The following CNNM1 variants were observed in gnomAD, a reference collection of about 807,000 sequenced individuals.
CNNM1 encodes the protein cyclin and CBS domain divalent metal cation transport mediator 1.
In CNNM1, 44 loss-of-function variants were observed where a neutral mutation model predicts 78.8. The observed-to-expected ratio is 0.56, with a 90% CI of 0.44 to 0.72. The LOEUF (loss-of-function observed/expected upper bound fraction) is 0.72. CNNM1 is among the 30% of genes least tolerant of loss of function. The pLI, the probability that CNNM1 is intolerant of heterozygous loss-of-function variation, is 0.00. For missense variants in CNNM1, 1,101 were observed against 1,292.2 expected (o/e 0.85, Z 2.27); for synonymous variants, 584 against 581.5 (o/e 1.00, Z -0.06).
At chr10:99,358,731 G>C (rs2031317064) in intron 2 of CNNM1, among the ~76,000 whole-genome samples, 1 of 152,086 alleles carries the variant, frequency 6.6e-6, no homozygotes, top group Admixed American at 6.6e-5. Context: ...CCTCACATGA[G>C]GAACGAGCTC....
At position 99,329,908 on chromosome 10, in the gene CNNM1, G is replaced by A. The variant is rs767479349; in HGVS notation, c.521G>A (p.Arg174Gln). The A allele has an allele frequency of 7.2e-7, 1 of 1,385,100 alleles. No homozygotes were observed. 85.8% of individuals were successfully genotyped at this position (1,385,100 alleles called of 1,614,324 possible). A position where few individuals can be genotyped will look rare whatever the true frequency, so the allele number is the denominator to read the frequency against. The change falls in exon 1 of 11, where the codon CGG (arginine) becomes CAG (glutamine). Residue 174 changes from arginine to glutamine, a missense_variant. Physicochemically the swap from Arg to Gln is conservative, Grantham distance 43. Around this residue, in one of 3 missense-constraint regions of CNNM1, gnomAD observed 476 missense variants for 484.5 expected, o/e 0.98. Coordinates refer to ENST00000356713, the MANE Select transcript of CNNM1 (RefSeq NM_020348.3). ...GAGCTGCGCAAGGGCGAAGCGGAGC[G>A]GGGCGGCGCGGGCGGTGGCGGGAAG... ...VRELRKGEAERGGAGGGGKLF... is the reference protein window; with the variant it reads ...VRELRKGEAEQGGAGGGGKLF...
Position 99,360,961 on chromosome 10 carries a change from G to T in CNNM1, c.1844G>T (p.Arg615Leu). 2.5e-6 allele frequency: 4 copies of T among 1,608,344 alleles called. No homozygotes were observed. Among genetic ancestry groups the T allele is most frequent in the Non-Finnish European group, 3.4e-6 (4 of 1,175,974 alleles). ...ISPQLLLATH[R>L]FMATEVEPFK... ...CCACAGCTTCTGCTAGCCACACACC[G>T]CTTCATGGCCACAGGTAGGACAAGT... is the stretch of plus-strand genomic sequence containing the variant. The change falls in exon 3 of 11, where the codon CGC (arginine) becomes CTC (leucine). Residue 615 changes from arginine (R) to leucine (L), a missense_variant. Coordinates refer to ENST00000356713, the MANE Select transcript of CNNM1 (RefSeq NM_020348.3).
Position 99,378,153 on chromosome 10 carries a change from G to A in CNNM1, c.2340+935G>A, listed in dbSNP as rs568313264. ...TAACTTTTGTGTTTTTAGTAGAGAC[G>A]GGGTTTCACCATGTTGGTCAGGTTG... On this transcript the variant is annotated intron_variant, in intron 7 of 10. Transcript: ENST00000356713. 1.5e-3 allele frequency among the ~76,000 whole-genome samples: 223 copies of A among 152,076 alleles called. 1 individual carries two copies. The highest frequency in any genetic ancestry group is 3.4e-3 in the Middle Eastern group (1 of 294).
intron 1 of CNNM1, among the ~76,000 whole-genome samples, chr10:99,346,082 C>A (rs1241465997): frequency 1.3e-5 from 2 of 151,998 alleles, no homozygotes; most frequent in African/African-American, 4.8e-5. Flanking sequence ...ATCATAGGAG[C>A]CTTTAATGCA....
At chr10:99,356,530 A>C (rs574656598) in intron 1 of CNNM1, among the ~76,000 whole-genome samples, 1 of 94,238 alleles carries the variant, frequency 1.1e-5, no homozygotes, top group South Asian at 4.4e-4. Context: ...GAGAGAAAGA[A>C]AGAAAGAAAG....
Position 99,348,053 on chromosome 10 carries a change from T to A in CNNM1, c.1574-9459T>A, listed in dbSNP as rs201519199. 2.3e-3 allele frequency among the ~76,000 whole-genome samples: 351 copies of A among 151,248 alleles called. 7 individuals carry two copies. In the East Asian group the frequency reaches 0.028, roughly 12 times the overall value. ...GTGTGTGTGTGTATATATATATATT[T>A]TTTTTTTTTGAGACAACATCTCACT... On this transcript the variant is annotated intron_variant, in intron 1 of 10. Coordinates refer to ENST00000356713, the MANE Select transcript of CNNM1 (RefSeq NM_020348.3).
chr10:99,370,630 T>G (rs2031767172), intron 6 of CNNM1, among the ~76,000 whole-genome samples: 1 of 152,234 alleles, frequency 6.6e-6, no homozygotes, highest in Admixed American at 6.5e-5. Flanking sequence ...GCACAGACTT[T>G]GGAACCAAGG....
Position 99,357,643 on chromosome 10 carries a change from A to T in CNNM1, c.1705A>T (p.Thr569Ser). Residue 569 changes from threonine to serine, a missense_variant, in exon 2 of 11, where the codon ACT becomes TCT. Around this residue, in one of 3 missense-constraint regions of CNNM1, gnomAD observed 277 missense variants for 423.2 expected, o/e 0.65. Coordinates refer to ENST00000356713, the MANE Select transcript of CNNM1 (RefSeq NM_020348.3). ...TATCAAGTCGGAGATCCTGGATGAA[A>T]CTGATCTCTACAGTAAGTGCACGGC... ...EIIKSEILDE[T>S]DLYTDNRKKQ... The T allele has an allele frequency of 6.2e-7, 1 of 1,610,956 alleles. No individual in the cohort carries two copies. The highest frequency in any genetic ancestry group is 2.2e-5 in the East Asian group (1 of 44,782).
At chr10:99,380,834 T>G (rs1431433470) in intron 7 of CNNM1, among the ~76,000 whole-genome samples, 3 of 151,058 alleles carry the variant, frequency 2.0e-5, no homozygotes, top group African/African-American at 7.3e-5. Flanking sequence ...GCCAATGATC[T>G]CATATCTCCA....
chr10:99,385,052 CAA>C (rs780597974), intron 7 of CNNM1, among the ~76,000 whole-genome samples: 10 of 111,386 alleles, frequency 9.0e-5, no homozygotes, highest in Non-Finnish European at 7.7e-5. Context: ...GACTCCATCT[CAA>C]AAAAAAAAAA....
chr10:99,369,880 A>G (rs2031744168), intron 6 of CNNM1, among the ~76,000 whole-genome samples: 1 of 152,176 alleles, frequency 6.6e-6, no homozygotes, highest in Non-Finnish European at 1.5e-5. Flanking sequence ...CACTTGATGG[A>G]CCTTCAAGTT....
At chr10:99,390,246 T>G in intron 9 of CNNM1, 60 bp from the exon 10 acceptor site, 1 of 1,216,842 alleles carries the variant, frequency 8.2e-7, no homozygotes, top group Non-Finnish European at 1.2e-6. Flanking sequence ...AGAATCACCC[T>G]CTCTTGATGC....
intron 1 of CNNM1, among the ~76,000 whole-genome samples, chr10:99,338,292 G>A (rs963828462): frequency 7.2e-6 from 1 of 138,916 alleles, no homozygotes; most frequent in Non-Finnish European, 1.5e-5. Context: ...ATGACTAGGT[G>A]GCATTTTTTT....
chr10:99,377,771 A>C (rs1398306143), intron 7 of CNNM1, among the ~76,000 whole-genome samples: 1 of 152,196 alleles, frequency 6.6e-6, no homozygotes, highest in Non-Finnish European at 1.5e-5. Context: ...TGTAGTCACT[A>C]GTAAGACCCC....
In CNNM1 at chr10:99,330,400, G is replaced by A; in HGVS notation, c.1013G>A (p.Gly338Asp). 1 of 1,593,346 alleles carries A rather than the reference G, an allele frequency of 6.3e-7. No individual in the cohort carries two copies. Among genetic ancestry groups the A allele is most frequent in the Non-Finnish European group, 8.5e-7 (1 of 1,171,030 alleles). ...ALVCTGAVFLGAEICPYSVCS... is the reference protein window; with the variant it reads ...ALVCTGAVFLDAEICPYSVCS... ...GTGTGCACCGGCGCGGTATTCCTGGGCGCCGAAATCTGCCCCTACTCAGTG... is the reference window on the plus strand; with the variant it reads ...GTGTGCACCGGCGCGGTATTCCTGGACGCCGAAATCTGCCCCTACTCAGTG... The change falls in exon 1 of 11, where the codon GGC becomes GAC. Residue 338 changes from glycine (G) to aspartate (D), a missense_variant. By Grantham distance (94) the Gly-to-Asp change is moderately conservative (BLOSUM62 -1). Coordinates refer to ENST00000356713, the MANE Select transcript of CNNM1 (RefSeq NM_020348.3).
chr10:99,343,437 C>G (rs1003602157), intron 1 of CNNM1, among the ~76,000 whole-genome samples: 1 of 152,156 alleles, frequency 6.6e-6, no homozygotes, highest in Non-Finnish European at 1.5e-5. Flanking sequence ...TTTAGTAATT[C>G]ATTGTGTGCC....
chr10:99,357,421 G>A, intron 1 of CNNM1, 91 bp from the exon 2 acceptor site: 1 of 1,332,432 alleles, frequency 7.5e-7, no homozygotes, highest in Non-Finnish European at 1.0e-6. Context: ...TCCTGAGATT[G>A]GTCAGACAGC....
At chr10:99,360,636 G>A (rs1203746894) in intron 2 of CNNM1, among the ~76,000 whole-genome samples, 199 bp from the exon 3 acceptor site, 1 of 152,072 alleles carries the variant, frequency 6.6e-6, no homozygotes, top group Non-Finnish European at 1.5e-5. Flanking sequence ...CACCCCCTAA[G>A]TGTGGAAAAC....
intron 1 of CNNM1, among the ~76,000 whole-genome samples, chr10:99,347,752 G>A (rs1045334367): frequency 1.3e-5 from 2 of 151,842 alleles, no homozygotes; most frequent in Non-Finnish European, 2.9e-5. Flanking sequence ...TACAGCCACC[G>A]CATTGGCCTC....
Sources: allele counts gnomAD v4.1 joint callset (sites outside exome capture counted in the v4.1 genomes callset), GRCh38; gene constraint gnomAD v4.1.1; regional missense constraint gnomAD v4.1.1; transcripts MANE v1.5; gene names NCBI Gene and HGNC (gene_info 2026-07-23, HGNC 2026-07-21).